CCDC112: variants seen among roughly 807,000 people sequenced by gnomAD.
CCDC112 encodes coiled-coil domain-containing protein 112.
CCDC112 carries 40 observed loss-of-function variants against 66.3 expected under a neutral mutation model. That is an observed-to-expected ratio of 0.60 (90% CI 0.47 to 0.79). The LOEUF (loss-of-function observed/expected upper bound fraction) is 0.79. CCDC112 is among the 30% of genes least tolerant of loss of function. The probability of loss-of-function intolerance (pLI) is 0.00; values close to 1 mark genes in which losing one functional copy is unlikely to be tolerated. For missense variants in CCDC112, 659 were observed against 603.8 expected, an observed-to-expected ratio of 1.09 and a Z score of -0.96; for synonymous variants, 214 against 197.2, an observed-to-expected ratio of 1.09 and a Z score of -0.71.
chr5:115,288,894 C>A, intron 1 of CCDC112: 2 of 448,816 alleles, frequency 4.5e-6, no homozygotes, highest in South Asian at 3.2e-5. Context: ...AAAAAACTTG[C>A]ATTTACAAGA....
At chr5:115,285,354 A>C (rs1188076406) in intron 1 of CCDC112, among the ~76,000 whole-genome samples, 2 of 152,186 alleles carry the variant, frequency 1.3e-5, no homozygotes, top group African/African-American at 4.8e-5. Context: ...AAATGCTATT[A>C]AGAAAATAAA....
chr5:115,279,115 TATCTC>T (rs1333949195), intron 3 of CCDC112, among the ~76,000 whole-genome samples: 2 of 152,170 alleles, frequency 1.3e-5, no homozygotes, highest in Admixed American at 1.3e-4. Context: ...TTTTATATAT[TATCTC>T]ATCAGATGCA....
In CCDC112 at chr5:115,296,461, C is replaced by T; in HGVS notation, c.83G>A (p.Gly28Glu). ...CGCTGGCGTCGCTCCCACGCCGGTCCCGGTGGCCGCGCCCGCCCCTGCCAC... is the reference window on the plus strand; with the variant it reads ...CGCTGGCGTCGCTCCCACGCCGGTCTCGGTGGCCGCGCCCGCCCCTGCCAC... ...GAVAGAGAATGTGVGATPAPQ... is the reference protein window; with the variant it reads ...GAVAGAGAATETGVGATPAPQ... The change falls in exon 1 of 10, where the codon GGG becomes GAG. Residue 28 changes from glycine (G) to glutamate (E), a missense_variant. Physicochemically the swap from Gly to Glu is moderately conservative, Grantham distance 98 (BLOSUM62 -2). Transcript: ENST00000379611. 1 of 1,560,614 alleles carries T rather than the reference C, an allele frequency of 6.4e-7. No homozygotes were observed. Among genetic ancestry groups the T allele is most frequent in the Non-Finnish European group, 8.6e-7 (1 of 1,160,718 alleles).
intron 3 of CCDC112, among the ~76,000 whole-genome samples, chr5:115,277,425 G>A (rs1020545176): frequency 1.3e-5 from 2 of 152,052 alleles, no homozygotes; most frequent in African/African-American, 2.4e-5. Flanking sequence ...TATAACTTAT[G>A]GAAATAGAAT....
intron 2 of CCDC112, 123 bp downstream of exon 2, chr5:115,284,664 A>G: frequency 1.6e-6 from 1 of 608,966 alleles, no homozygotes; most frequent in Non-Finnish European, 2.7e-6. Context: ...TATATTTGAC[A>G]GGCTAGTGAT....
At chr5:115,271,123 T>C in intron 7 of CCDC112, 90 bp downstream of exon 7, 1 of 1,237,478 alleles carries the variant, frequency 8.1e-7, no homozygotes, top group Non-Finnish European at 1.1e-6. Context: ...AGGTCCAATA[T>C]ACAAATACTC....
chr5:115,282,528 C>A (rs1430604776), intron 2 of CCDC112, among the ~76,000 whole-genome samples: 3 of 152,016 alleles, frequency 2.0e-5, no homozygotes, highest in African/African-American at 7.2e-5. Flanking sequence ...AACTATAATG[C>A]CATTATTGTG....
chr5:115,285,314 C>T (rs73780096), intron 1 of CCDC112, among the ~76,000 whole-genome samples: 12,673 of 151,944 alleles, frequency 0.083, 644 homozygotes, highest in Middle Eastern at 0.15. Flanking sequence ...AGTAAACAAG[C>T]AATAAAATGA....
At chr5:115,272,450 AC>A in intron 6 of CCDC112, among the ~76,000 whole-genome samples, 1 of 152,338 alleles carries the variant, frequency 6.6e-6, no homozygotes, top group East Asian at 1.9e-4. Flanking sequence ...TGGATGAGCC[AC>A]TAAACTTCTC....
At chr5:115,270,757 C>G (rs1748961661) in intron 7 of CCDC112, among the ~76,000 whole-genome samples, 1 of 152,118 alleles carries the variant, frequency 6.6e-6, no homozygotes, top group Admixed American at 6.5e-5. Flanking sequence ...TCTGTTGGTT[C>G]CCCTCTCCTG....
Position 115,296,424 on chromosome 5 carries a change from T to C in CCDC112, c.117+3A>G. On this transcript the variant is annotated splice_donor_region_variant and intron_variant, in intron 1 of 9. Coordinates refer to ENST00000379611, the MANE Select transcript of CCDC112 (RefSeq NM_001040440.3). ...GAGCAGCTCTCGGTTCTCCCGGATTTACCTGTTGAGGCGCTGGCGTCGCTC... is the reference window on the plus strand; with the variant it reads ...GAGCAGCTCTCGGTTCTCCCGGATTCACCTGTTGAGGCGCTGGCGTCGCTC... The C allele has an allele frequency of 1.9e-6, 3 of 1,567,312 alleles. No individual in the cohort carries two copies. Among genetic ancestry groups the C allele is most frequent in the Non-Finnish European group, 2.6e-6 (3 of 1,165,254 alleles).
Position 115,296,539 on chromosome 5 carries a change from G to T in CCDC112, c.5C>A (p.Ala2Asp). The T allele has an allele frequency of 6.7e-7, 1 of 1,503,238 alleles. No homozygotes were observed. Among genetic ancestry groups the T allele is most frequent in the Non-Finnish European group, 8.9e-7 (1 of 1,129,402 alleles). 93.1% of individuals were successfully genotyped at this position (1,503,238 alleles called of 1,614,324 possible). Residue 2 changes from alanine (A) to aspartate (D), a missense_variant, in exon 1 of 10, where the codon GCC (alanine) becomes GAC (aspartate). Physicochemically the swap from Ala to Asp is moderately radical, Grantham distance 126. Transcript: ENST00000379611. Reference protein sequence around the residue: MAALTTVVVAAA... With the variant: MDALTTVVVAAA... ...CGCTACCACAACCGTCGTCAGTGCGGCCATGTTTACCCGCCGAGCTACTCG... is the reference window on the plus strand; with the variant it reads ...CGCTACCACAACCGTCGTCAGTGCGTCCATGTTTACCCGCCGAGCTACTCG...
chr5:115,290,722 A>G (rs1749884617), intron 1 of CCDC112, among the ~76,000 whole-genome samples: 1 of 152,100 alleles, frequency 6.6e-6, no homozygotes, highest in South Asian at 2.1e-4. Flanking sequence ...ATCCCTATGT[A>G]TTTTAATCTT....
rs116714852 is a variant in CCDC112 at position 115,268,799 on chromosome 5, T to C, written c.1547+83A>G. On this transcript the variant is annotated intron_variant, in intron 9 of 9. Coordinates refer to ENST00000379611, the MANE Select transcript of CCDC112 (RefSeq NM_001040440.3). ...TATTTTCATATATATATGAAAAATA[T>C]AATTTACATATAGTAAGTGCATAAA... 1,250 of 550,962 alleles carry C rather than the reference T, an allele frequency of 2.3e-3. 16 individuals carry two copies. The highest frequency in any genetic ancestry group is 0.022 in the African/African-American group (1,106 of 50,312). 34.1% of individuals were successfully genotyped at this position (550,962 alleles called of 1,614,324 possible).
chr5:115,277,439 G>C (rs1321241970), intron 3 of CCDC112, among the ~76,000 whole-genome samples: 1 of 152,010 alleles, frequency 6.6e-6, no homozygotes, highest in East Asian at 1.9e-4. Context: ...ATAGAATTTG[G>C]TCTTAACTCT....
rs191249593 is a variant in CCDC112, at chr5:115,276,738, G to A, written c.451+227C>T. Among the ~76,000 whole-genome samples the A allele has an allele frequency of 2.0e-5, 3 of 152,084 alleles. No homozygotes were observed. The East Asian group carries it at 5.8e-4, about 29-fold the overall frequency. ...TCTAAGGATTTGATAATACTTTAAC[G>A]GATACACACAGAAATGCCCGATTAT... is the stretch of plus-strand genomic sequence containing the variant. On this transcript the variant is annotated intron_variant, in intron 4 of 9. Coordinates refer to ENST00000379611, the MANE Select transcript of CCDC112 (RefSeq NM_001040440.3).
chr5:115,288,600 G>T (rs1749786423), intron 1 of CCDC112, among the ~76,000 whole-genome samples: 1 of 152,176 alleles, frequency 6.6e-6, no homozygotes, highest in Admixed American at 6.5e-5. Flanking sequence ...ACATGGGAAT[G>T]GAAGTAATTT....
intron 2 of CCDC112, chr5:115,280,233 G>A (rs1164521637): frequency 6.2e-6 from 1 of 161,382 alleles, no homozygotes; most frequent in African/African-American, 2.4e-5. Context: ...CTATCTAATA[G>A]GGCTATTATT....
intron 7 of CCDC112, 121 bp downstream of exon 7, chr5:115,271,070 AGGGAGCACGGCTTACTCATTTT>A: frequency 3.0e-6 from 2 of 671,652 alleles, no homozygotes; most frequent in Non-Finnish European, 4.9e-6. Context: ...ACTAGAAGTT[AGGGAGCACGGCTTACTCATTTT>A]GGTATACTAA....
Sources: allele counts gnomAD v4.1 joint callset (sites outside exome capture counted in the v4.1 genomes callset), GRCh38; gene constraint gnomAD v4.1.1; transcripts MANE v1.5; gene names NCBI Gene and HGNC (gene_info 2026-07-23, HGNC 2026-07-21).